The following XKR4 variants were observed in gnomAD, a reference collection of about 807,000 sequenced individuals.
XKR4 encodes XK-related protein 4.
In XKR4, 12 loss-of-function variants were observed where a neutral mutation model predicts 53.9. The ratio of observed to expected loss-of-function variants is 0.22; its 90% CI spans 0.14 to 0.36. The LOEUF is 0.36. Among genes scored for constraint, XKR4 ranks in the 10% least tolerant of loss-of-function variants. XKR4 has a pLI of 1.00. For synonymous variants in XKR4, 354 were observed against 362.4 expected (o/e 0.98, Z 0.26); for missense variants, 799 against 859.5 (o/e 0.93, Z 0.88).
chr8:55,386,211 G>A (rs1181284799), intron 2 of XKR4, among the ~76,000 whole-genome samples: 1 of 152,110 alleles, frequency 6.6e-6, no homozygotes, highest in African/African-American at 2.4e-5. Context: ...GCCCTTCCTG[G>A]GATCAGGGGA....
intron 1 of XKR4, among the ~76,000 whole-genome samples, chr8:55,314,630 G>T (rs547798574): frequency 3.3e-5 from 5 of 152,252 alleles, no homozygotes; most frequent in Admixed American, 1.3e-4. Context: ...AGAATTTTTT[G>T]ACCACAATAT....
intron 1 of XKR4, among the ~76,000 whole-genome samples, chr8:55,185,970 A>C (rs1392516715): frequency 6.6e-6 from 1 of 152,214 alleles, no homozygotes; most frequent in Non-Finnish European, 1.5e-5. Flanking sequence ...GATCATAAAA[A>C]ATCATTTGTA....
rs1806894987 is a variant in XKR4, at chr8:55,527,494, A to C, written c.*3267A>C. On this transcript the variant is annotated 3_prime_UTR_variant, in exon 3 of 3. Coordinates refer to ENST00000327381, the MANE Select transcript of XKR4 (RefSeq NM_052898.2). The stretch of plus-strand genomic sequence containing the variant: ...TCTAAATATGAAACCATGTTTAATG[A>C]ATATATATAATGTGTGTGTGTGTAT... The C allele has an allele frequency of 6.6e-6, 1 of 152,212 alleles. No individual in the cohort carries two copies. Among genetic ancestry groups the C allele is most frequent in the African/African-American group, 2.4e-5 (1 of 41,454 alleles). 9.4% of individuals were successfully genotyped at this position (152,212 alleles called of 1,614,324 possible).
At chr8:55,326,468 C>CTTTTTTTTTTTTTTTTTTTTTTTTATT (rs10666278) in intron 1 of XKR4, among the ~76,000 whole-genome samples, 1 of 111,782 alleles carries the variant, frequency 8.9e-6, no homozygotes, top group African/African-American at 3.5e-5. Context: ...ATTTTTTTTC[C>CTTTTTTTTTTTTTTTTTTTTTTTTATT]TTTTTTTTTT....
intron 1 of XKR4, among the ~76,000 whole-genome samples, chr8:55,260,811 C>A (rs548346347): frequency 6.6e-6 from 1 of 152,104 alleles, no homozygotes; most frequent in Non-Finnish European, 1.5e-5. Context: ...CTCCAGACTG[C>A]ACATGTGGTT....
chr8:55,178,025 C>CT (rs1466270334), intron 1 of XKR4, among the ~76,000 whole-genome samples: 2 of 152,144 alleles, frequency 1.3e-5, no homozygotes, highest in Non-Finnish European at 2.9e-5. Flanking sequence ...AAACAAACCC[C>CT]TTTAATAATG....
At position 55,523,267 on chromosome 8, in the gene XKR4, G is replaced by A; in HGVS notation, c.1007-14G>A. On this transcript the variant is annotated splice_polypyrimidine_tract_variant and intron_variant, in intron 2 of 2. Transcript: ENST00000327381. ...CTGATTTCTGACACACTGTCTTCCT[G>A]TTTGCCTTTGTAGGTTTCACAGCGG... 6.3e-7 allele frequency: 1 copy of A among 1,575,980 alleles called. No homozygotes were observed. The highest frequency in any genetic ancestry group is 8.6e-7 in the Non-Finnish European group (1 of 1,160,108).
intron 2 of XKR4, among the ~76,000 whole-genome samples, chr8:55,401,149 C>G (rs1387687595): frequency 6.6e-6 from 1 of 152,232 alleles, no homozygotes; most frequent in African/African-American, 2.4e-5. Context: ...TGACTCCCCA[C>G]TTTGGAACTG....
chr8:55,435,770 G>A (rs144413791), intron 2 of XKR4, among the ~76,000 whole-genome samples: 1,544 of 151,912 alleles, frequency 0.01, 25 homozygotes, highest in African/African-American at 0.033. Context: ...GTCTTGCCAC[G>A]TTGCCCAGGC....
intron 2 of XKR4, chr8:55,452,289 C>G: frequency 1.5e-6 from 1 of 651,248 alleles, no homozygotes; most frequent in Non-Finnish European, 2.8e-6. Flanking sequence ...GATGCTGATG[C>G]ATTTCTCCTT....
At chr8:55,276,213 C>T (rs996983928) in intron 1 of XKR4, among the ~76,000 whole-genome samples, 3 of 152,148 alleles carry the variant, frequency 2.0e-5, no homozygotes, top group Non-Finnish European at 4.4e-5. Flanking sequence ...TAACACAACA[C>T]CCTCGATGAC....
At chr8:55,365,992 G>A (rs547056781) in intron 2 of XKR4, among the ~76,000 whole-genome samples, 25 of 152,252 alleles carry the variant, frequency 1.6e-4, no homozygotes, top group African/African-American at 4.3e-4. Flanking sequence ...GGAACATTCC[G>A]GCTGCGGAGG....
chr8:55,161,316 G>T (rs2306451), intron 1 of XKR4, among the ~76,000 whole-genome samples: 1 of 152,160 alleles, frequency 6.6e-6, no homozygotes, highest in African/African-American at 2.4e-5. Flanking sequence ...AGAAAAAAAA[G>T]AGATGCAGAT....
intron 1 of XKR4, among the ~76,000 whole-genome samples, chr8:55,110,118 G>T (rs979119621): frequency 2.0e-5 from 3 of 152,158 alleles, no homozygotes; most frequent in African/African-American, 4.8e-5. Flanking sequence ...TTATTCTTAT[G>T]CATTTTCACA....
chr8:55,279,709 G>C (rs150982831), intron 1 of XKR4, among the ~76,000 whole-genome samples: 4 of 152,064 alleles, frequency 2.6e-5, no homozygotes, highest in African/African-American at 9.7e-5. Context: ...ACAGCTGTTC[G>C]CCTCAGCCCG....
At chr8:55,433,495 T>C (rs1299340183) in intron 2 of XKR4, among the ~76,000 whole-genome samples, 2 of 152,262 alleles carry the variant, frequency 1.3e-5, no homozygotes, top group Non-Finnish European at 2.9e-5. Context: ...AGTGTAGTTT[T>C]CTTTTTATGG....
chr8:55,307,100 G>A (rs72645637), intron 1 of XKR4, among the ~76,000 whole-genome samples: 4,523 of 152,138 alleles, frequency 0.03, 95 homozygotes, highest in Non-Finnish European at 0.048. Context: ...TCTTAGATTT[G>A]ACACCAAAAG....
intron 1 of XKR4, among the ~76,000 whole-genome samples, chr8:55,235,593 T>G (rs1005793582): frequency 6.6e-6 from 1 of 152,212 alleles, no homozygotes; most frequent in African/African-American, 2.4e-5. Context: ...CATTTGCAGG[T>G]ATGTTTACAA....
chr8:55,507,896 T>C (rs1322789330), intron 2 of XKR4, among the ~76,000 whole-genome samples: 1 of 152,220 alleles, frequency 6.6e-6, no homozygotes, highest in Non-Finnish European at 1.5e-5. Flanking sequence ...ATGGTATTTC[T>C]AGTTCTAGAT....
Sources: allele counts gnomAD v4.1 joint callset (sites outside exome capture counted in the v4.1 genomes callset), GRCh38; gene constraint gnomAD v4.1.1; transcripts MANE v1.5; gene names NCBI Gene and HGNC (gene_info 2026-07-23, HGNC 2026-07-21).